The following CSMD1 variants were observed in gnomAD, a reference collection of about 807,000 sequenced individuals.
CSMD1 encodes CUB and Sushi multiple domains 1.
A neutral mutation model predicts 417.5 loss-of-function variants in CSMD1; 213 were observed. The observed-to-expected ratio is 0.51, with a 90% CI of 0.46 to 0.57. The LOEUF (loss-of-function observed/expected upper bound fraction) is 0.57, where lower values mean the gene tolerates loss of function less well. CSMD1 is among the 20% of genes least tolerant of loss of function. CSMD1 has a pLI of 0.00. For synonymous variants in CSMD1, 2,862 were observed against 1,736.8 expected (o/e 1.65, Z -16.11); for missense variants, 6,923 against 4,529.7 (o/e 1.53, Z -15.17).
chr8:3,241,561 G>T (rs973573679), intron 26 of CSMD1, among the ~76,000 whole-genome samples: 2 of 152,158 alleles, frequency 1.3e-5, no homozygotes, highest in African/African-American at 4.8e-5. Context: ...GGGAGTGGCT[G>T]CCAGGTGAGT....
At chr8:3,879,824 G>GGTGTGCGTGTGC (rs71203486) in intron 5 of CSMD1, among the ~76,000 whole-genome samples, 1 of 140,554 alleles carries the variant, frequency 7.1e-6, no homozygotes, top group Non-Finnish European at 1.5e-5. Context: ...AGTGTGTACC[G>GGTGTGCGTGTGC]GTGTGCGTGT....
At chr8:3,875,123 T>C (rs1283928967) in intron 5 of CSMD1, among the ~76,000 whole-genome samples, 3 of 138,278 alleles carry the variant, frequency 2.2e-5, no homozygotes, top group Non-Finnish European at 3.1e-5. Context: ...GAACACATTG[T>C]GGGGTTTGGA....
intron 25 of CSMD1, among the ~76,000 whole-genome samples, chr8:3,297,819 A>G (rs1409073983): frequency 1.3e-5 from 2 of 152,166 alleles, no homozygotes; most frequent in African/African-American, 4.8e-5. Flanking sequence ...ATTTAAATAT[A>G]GTTTAAAAAT....
chr8:4,860,455 C>G (rs1275606252), intron 1 of CSMD1, among the ~76,000 whole-genome samples: 3 of 151,850 alleles, frequency 2.0e-5, no homozygotes, highest in African/African-American at 7.3e-5. Flanking sequence ...CTCTCTTGGC[C>G]CTGCTCTCGC....
chr8:3,816,364 C>A (rs561565869), intron 5 of CSMD1, among the ~76,000 whole-genome samples: 1 of 152,158 alleles, frequency 6.6e-6, no homozygotes, highest in African/African-American at 2.4e-5. Flanking sequence ...GTGAGCACAG[C>A]AGGAAAAGAT....
intron 5 of CSMD1, among the ~76,000 whole-genome samples, chr8:3,764,195 A>G (rs1212066541): frequency 6.6e-6 from 1 of 152,156 alleles, no homozygotes; most frequent in Non-Finnish European, 1.5e-5. Flanking sequence ...CACCGTACGC[A>G]TTAGGTCACT....
chr8:4,868,023 G>A (rs910531971), intron 1 of CSMD1, among the ~76,000 whole-genome samples: 6 of 151,936 alleles, frequency 3.9e-5, no homozygotes, highest in Non-Finnish European at 8.8e-5. Context: ...TGCGGAAATG[G>A]CTCTTGAAAA....
intron 2 of CSMD1, among the ~76,000 whole-genome samples, chr8:4,601,014 C>A (rs1025461826): frequency 2.1e-5 from 3 of 145,080 alleles, no homozygotes; most frequent in Admixed American, 7.1e-5. Context: ...TGGAGTGCAA[C>A]GGTGCCATCT....
chr8:2,950,425 T>G, intron 66 of CSMD1, 82 bp from the exon 67 acceptor site: 1 of 798,840 alleles, frequency 1.3e-6, no homozygotes, highest in Non-Finnish European at 2.2e-6. Context: ...TGGAATGTGG[T>G]ACGGAGATGA....
chr8:4,834,956 CAAAAA>C lies in CSMD1; in HGVS notation c.85+159371_85+159375del, dbSNP rs1194297821. Among the ~76,000 whole-genome samples the C allele has an allele frequency of 4.5e-4, 9 of 19,830 alleles. No homozygotes were observed. The East Asian group carries it at 0.016, about 36-fold the overall frequency. 13.0% of individuals were successfully genotyped at this position (19,830 alleles called of 152,430 possible). ...TGGGCGACAGGGCCAGACTCCATCT[CAAAAA>C]AAAAAAAAAAAAAAAAAAAGAAAGA... On this transcript the variant is annotated intron_variant, in intron 1 of 69. Transcript: ENST00000635120.
intron 1 of CSMD1, among the ~76,000 whole-genome samples, chr8:4,955,420 G>A (rs999991363): frequency 6.6e-6 from 1 of 150,832 alleles, no homozygotes; most frequent in East Asian, 2.0e-4. Flanking sequence ...GTGTCTGTTT[G>A]GTGGATGCAC....
At chr8:3,391,181 T>G (rs1979829) in intron 17 of CSMD1, among the ~76,000 whole-genome samples, 1 of 151,832 alleles carries the variant, frequency 6.6e-6, no homozygotes, top group African/African-American at 2.4e-5. Context: ...AGCAAACAAT[T>G]GGTGTGGTGT....
intron 5 of CSMD1, among the ~76,000 whole-genome samples, chr8:3,830,431 G>T (rs567879899): frequency 6.6e-6 from 1 of 152,144 alleles, no homozygotes; most frequent in African/African-American, 2.4e-5. Context: ...CTAATTATAC[G>T]TTGACTACTG....
intron 5 of CSMD1, among the ~76,000 whole-genome samples, chr8:3,861,559 T>C (rs551420191): frequency 4.6e-5 from 7 of 152,288 alleles, no homozygotes; most frequent in Non-Finnish European, 7.4e-5. Flanking sequence ...CACGTGAGCA[T>C]TACTTGGGAA....
intron 3 of CSMD1, among the ~76,000 whole-genome samples, chr8:4,044,709 G>GTC (rs371448151): frequency 3.3e-5 from 5 of 152,070 alleles, no homozygotes; most frequent in Non-Finnish European, 5.9e-5. Context: ...TACAACCCTG[G>GTC]ATGCATAGCA....
At chr8:4,324,009 G>A (rs1353992236) in intron 3 of CSMD1, among the ~76,000 whole-genome samples, 1 of 152,172 alleles carries the variant, frequency 6.6e-6, no homozygotes, top group Admixed American at 6.5e-5. Flanking sequence ...GGGAATGGCA[G>A]GCACAGCCAC....
intron 41 of CSMD1, among the ~76,000 whole-genome samples, chr8:3,141,100 A>AG (rs1818411700): frequency 6.6e-6 from 1 of 152,194 alleles, no homozygotes; most frequent in Non-Finnish European, 1.5e-5. Context: ...AGAGGGACAT[A>AG]GTGACAAATG....
rs149676912 is a variant in CSMD1, at chr8:4,114,104, C to T, written c.416-82005G>A. ...AACAGCCTTATGTAGGAAGAAGATG[C>T]CATCTAGGACTTTCATAGGAGGAAA... On this transcript the variant is annotated intron_variant, in intron 3 of 69. Transcript: ENST00000635120. 2.6e-5 allele frequency among the ~76,000 whole-genome samples: 4 copies of T among 152,288 alleles called. No homozygotes were observed. In the East Asian group the frequency reaches 5.8e-4, roughly 22 times the overall value.
At chr8:4,718,280 C>T (rs1421315982) in intron 1 of CSMD1, among the ~76,000 whole-genome samples, 1 of 152,178 alleles carries the variant, frequency 6.6e-6, no homozygotes, top group Non-Finnish European at 1.5e-5. Flanking sequence ...CTAAACCATA[C>T]AAATCTATCA....
Sources: allele counts gnomAD v4.1 joint callset (sites outside exome capture counted in the v4.1 genomes callset), GRCh38; gene constraint gnomAD v4.1.1; transcripts MANE v1.5; gene names NCBI Gene and HGNC (gene_info 2026-07-23, HGNC 2026-07-21).